Variants in PIGU observed in about 807,000 individuals in gnomAD.
PIGU encodes the protein phosphatidylinositol glycan anchor biosynthesis class U.
PIGU carries 24 observed loss-of-function variants against 49.9 expected under a neutral mutation model. That is an observed-to-expected ratio of 0.48 (90% CI 0.35 to 0.68). The LOEUF is 0.68. PIGU is among the 30% of genes least tolerant of loss of function. The pLI is 0.01. For synonymous variants in PIGU, 220 were observed against 205.7 expected, an observed-to-expected ratio of 1.07 and a Z score of -0.59; for missense variants, 490 against 532.6, an observed-to-expected ratio of 0.92 and a Z score of 0.79.
At chr20:34,638,087 C>T in intron 4 of PIGU, 102 bp from the exon 5 acceptor site, 1 of 1,436,200 alleles carries the variant, frequency 7.0e-7, no homozygotes, top group Non-Finnish European at 9.1e-7. Context: ...CCACATGGCC[C>T]TGCCTGGTCT....
Position 34,616,098 on chromosome 20 carries a change from A to G in PIGU, c.571T>C (p.Tyr191His), listed in dbSNP as rs778741478. The G allele has an allele frequency of 1.2e-6, 2 of 1,613,372 alleles. No individual in the cohort carries two copies. Among genetic ancestry groups the G allele is most frequent in the South Asian group, 2.2e-5 (2 of 90,866 alleles). ...LSAIFLALAT[Y>H]QSLYPLTLFV... ...AAGGTGAGTGGGTACAGAGACTGGT[A>G]TGTCGCTAAGGCAAGAAAAATAGCA... The change falls in exon 7 of 12, where the codon TAC (tyrosine) becomes CAC (histidine). Residue 191 changes from tyrosine to histidine, a missense_variant. Physicochemically the swap from Tyr to His is moderately conservative, Grantham distance 83 (BLOSUM62 2). Coordinates refer to ENST00000217446, the MANE Select transcript of PIGU (RefSeq NM_080476.5).
chr20:34,657,958 CTCTCTCTCTCTCCACGG>C, intron 1 of PIGU, among the ~76,000 whole-genome samples: 6 of 150,874 alleles, frequency 4.0e-5, no homozygotes, highest in African/African-American at 1.5e-4. Context: ...CACCCTCTCC[CTCTCTCTCTCTCCACGG>C]TCTCCCTCTC....
chr20:34,584,537 C>T (rs1239965075), intron 9 of PIGU, among the ~76,000 whole-genome samples: 1 of 131,990 alleles, frequency 7.6e-6, no homozygotes, highest in African/African-American at 2.8e-5. Flanking sequence ...TTGAGACATG[C>T]ACTTCCGCCT....
intron 7 of PIGU, among the ~76,000 whole-genome samples, chr20:34,590,188 A>G (rs760945089): frequency 3.9e-4 from 59 of 152,206 alleles, no homozygotes; most frequent in Non-Finnish European, 1.5e-4. Flanking sequence ...AAACCACCCC[A>G]GTATGTGAGA....
intron 2 of PIGU, among the ~76,000 whole-genome samples, chr20:34,646,710 T>C (rs1482383013): frequency 6.6e-6 from 1 of 152,128 alleles, no homozygotes; most frequent in Non-Finnish European, 1.5e-5. Context: ...TGCCCAGCCA[T>C]TTTCTTCAAT....
chr20:34,673,253 CA>C (rs71282179), intron 1 of PIGU, among the ~76,000 whole-genome samples: 2,198 of 88,816 alleles, frequency 0.025, 15 homozygotes, highest in Non-Finnish European at 0.031. Flanking sequence ...GACTCCGTCT[CA>C]AAAAAAAAAA....
intron 7 of PIGU, among the ~76,000 whole-genome samples, chr20:34,605,633 G>A (rs1483594509): frequency 6.6e-6 from 1 of 152,166 alleles, no homozygotes; most frequent in East Asian, 1.9e-4. Flanking sequence ...AAGCAGAGAA[G>A]TTAAATAGTC....
At chr20:34,667,270 G>A (rs945128026) in intron 1 of PIGU, among the ~76,000 whole-genome samples, 1 of 152,168 alleles carries the variant, frequency 6.6e-6, no homozygotes, top group African/African-American at 2.4e-5. Flanking sequence ...AAAAGCAGTA[G>A]TGTCCCTATA....
chr20:34,632,675 C>T (rs1985826327), intron 6 of PIGU, among the ~76,000 whole-genome samples: 1 of 151,994 alleles, frequency 6.6e-6, no homozygotes, highest in Non-Finnish European at 1.5e-5. Context: ...TTCATACACC[C>T]TTTCTTAGAC....
intron 4 of PIGU, among the ~76,000 whole-genome samples, chr20:34,640,074 CCAGA>C (rs1986100075): frequency 6.6e-6 from 1 of 152,108 alleles, no homozygotes; most frequent in African/African-American, 2.4e-5. Flanking sequence ...CCAGGGGCAG[CCAGA>C]CAGACAGGTG....
In PIGU at chr20:34,560,721, C is replaced by A; in HGVS notation, c.*145G>T. The A allele has an allele frequency of 1.8e-6, 1 of 556,172 alleles. No homozygotes were observed. The highest frequency in any genetic ancestry group is 3.0e-6 in the Non-Finnish European group (1 of 328,332). 34.5% of individuals were successfully genotyped at this position (556,172 alleles called of 1,614,324 possible). A position where few individuals can be genotyped will look rare whatever the true frequency, so the allele number is the denominator to read the frequency against. ...GCCTTGCTGTCAGTCAGCCATGGGTCCCTTTTGGTACCAGAGACTTGTGAC... is the reference window on the plus strand; with the variant it reads ...GCCTTGCTGTCAGTCAGCCATGGGTACCTTTTGGTACCAGAGACTTGTGAC... On this transcript the variant is annotated 3_prime_UTR_variant, in exon 12 of 12. Coordinates refer to ENST00000217446, the MANE Select transcript of PIGU (RefSeq NM_080476.5).
chr20:34,647,277 T>C (rs1986381338), intron 2 of PIGU, among the ~76,000 whole-genome samples: 1 of 149,148 alleles, frequency 6.7e-6, no homozygotes. Flanking sequence ...GGCCGTTTTT[T>C]GTTTGTTTGA....
rs137916481 is a variant in PIGU, at chr20:34,676,466, C to T, written c.130+490G>A. 1.9e-4 allele frequency among the ~76,000 whole-genome samples: 29 copies of T among 152,318 alleles called. No individual in the cohort carries two copies. In the East Asian group the frequency reaches 5.0e-3, roughly 26 times the overall value. ...CAGTAACAAAAATTGCCCTGCAAGT[C>T]CCAGACTGAGAAGAGACGTCTAAAG... On this transcript the variant is annotated intron_variant, in intron 1 of 11. Coordinates refer to ENST00000217446, the MANE Select transcript of PIGU (RefSeq NM_080476.5).
chr20:34,671,313 G>A (rs1987298172), intron 1 of PIGU, among the ~76,000 whole-genome samples: 1 of 151,908 alleles, frequency 6.6e-6, no homozygotes, highest in African/African-American at 2.4e-5. Flanking sequence ...CCAGGCTGGA[G>A]TGCAATGGCG....
At chr20:34,582,359 TCAC>T (rs1183261987) in intron 9 of PIGU, among the ~76,000 whole-genome samples, 2 of 152,156 alleles carry the variant, frequency 1.3e-5, no homozygotes, top group South Asian at 2.1e-4. Context: ...CACGTGATCC[TCAC>T]CACATCTCAA....
rs1440830003 is a variant in PIGU at position 34,562,491 on chromosome 20, G to A, written c.1195-1512C>T. On this transcript the variant is annotated intron_variant, in intron 11 of 11. Coordinates refer to ENST00000217446, the MANE Select transcript of PIGU (RefSeq NM_080476.5). ...GATCAGAGGCGCCTGGAGGAGTTCA[G>A]GAAGGTGTCCTGTCACCAGCAGCTC... 7.0e-6 allele frequency: 9 copies of A among 1,289,252 alleles called. No individual in the cohort carries two copies. The South Asian group carries it at 9.9e-5, about 14-fold the overall frequency. 79.9% of individuals were successfully genotyped at this position (1,289,252 alleles called of 1,614,324 possible).
rs199755018 is a variant in PIGU at position 34,596,674 on chromosome 20, T to TA, written c.628-8068dup. Among the ~76,000 whole-genome samples the TA allele has an allele frequency of 5.8e-4, 88 of 151,622 alleles. No homozygotes were observed. The East Asian group carries it at 7.3e-3, about 13-fold the overall frequency. The stretch of plus-strand genomic sequence containing the variant: ...ATTAGAGCGTTCTACAAGGCCAGTA[T>TA]AAAAAAAAATCAGCCCTTTGCCTTG... On this transcript the variant is annotated intron_variant, in intron 7 of 11. Transcript: ENST00000217446.
chr20:34,562,682 G>C, intron 11 of PIGU: 1 of 790,086 alleles, frequency 1.3e-6, no homozygotes, highest in Non-Finnish European at 1.9e-6. Context: ...GACCCAGAAA[G>C]GTGGTCTGCC....
In PIGU at chr20:34,585,449, G is replaced by T; in HGVS notation, c.914C>A (p.Ala305Asp). ...TCCAGCCACTTACTTTAGCTTTATG[G>T]CTAAGGGGATGGTGTAGAAGAAGAC... Reference protein sequence around the residue: ...INVFFYTIPLAIKLKEHPIFF... With the variant: ...INVFFYTIPLDIKLKEHPIFF... The change falls in exon 9 of 12, where the codon GCC (alanine) becomes GAC (aspartate). Residue 305 changes from alanine (A) to aspartate (D), a missense_variant. By Grantham distance (126) the Ala-to-Asp change is moderately radical. Coordinates refer to ENST00000217446, the MANE Select transcript of PIGU (RefSeq NM_080476.5). 1 of 1,614,126 alleles carries T rather than the reference G, an allele frequency of 6.2e-7. No individual in the cohort carries two copies. Among genetic ancestry groups the T allele is most frequent in the South Asian group, 1.1e-5 (1 of 91,088 alleles).
Sources: gnomAD v4.1 joint callset for allele counts (sites outside exome capture counted in the v4.1 genomes callset) on GRCh38, gnomAD v4.1.1 for gene constraint, MANE v1.5 for transcripts, NCBI Gene and HGNC (gene_info 2026-07-23, HGNC 2026-07-21) for gene names.